STPG2: variants seen among roughly 807,000 people sequenced by gnomAD.
STPG2 encodes the protein sperm-tail PG-rich repeat-containing protein 2.
Under a neutral mutation model 54.2 loss-of-function variants are expected in STPG2, and 56 were observed. That is an observed-to-expected ratio of 1.03 (90% CI 0.83 to 1.29). STPG2 has a LOEUF of 1.29. STPG2 is among the 50% of genes most tolerant of loss of function. STPG2 has a pLI of 0.00. For synonymous variants in STPG2, 200 were observed against 181.8 expected (o/e 1.10, Z -0.81); for missense variants, 596 against 544.9 (o/e 1.09, Z -0.93).
At chr4:97,829,770 A>G (rs1478621627) in intron 9 of STPG2, among the ~76,000 whole-genome samples, 2 of 152,132 alleles carry the variant, frequency 1.3e-5, no homozygotes, top group Admixed American at 6.6e-5. Context: ...GAAGAAAGGA[A>G]TATCAGAGAT....
chr4:97,902,851 T>C (rs955001715), intron 8 of STPG2, among the ~76,000 whole-genome samples: 2 of 152,198 alleles, frequency 1.3e-5, no homozygotes, highest in African/African-American at 4.8e-5. Context: ...ACTTCCATTT[T>C]CATTGCAGCA....
intron 7 of STPG2, 28 bp downstream of exon 7, chr4:97,972,252 G>T (rs772708570): frequency 4.1e-5 from 59 of 1,450,596 alleles, no homozygotes; most frequent in Non-Finnish European, 5.4e-5. Context: ...TCAACATAAA[G>T]AATATTATTT....
At chr4:97,791,733 A>G (rs1199732389) in intron 9 of STPG2, among the ~76,000 whole-genome samples, 1 of 152,086 alleles carries the variant, frequency 6.6e-6, no homozygotes, top group African/African-American at 2.4e-5. Flanking sequence ...TAATCATATA[A>G]AAACTATTTT....
At chr4:97,812,247 A>G (rs1727762831) in intron 9 of STPG2, among the ~76,000 whole-genome samples, 1 of 152,046 alleles carries the variant, frequency 6.6e-6, no homozygotes, top group Non-Finnish European at 1.5e-5. Flanking sequence ...CTTACTTACA[A>G]TGGCCTAAGA....
At chr4:97,861,171 A>C (rs969158997) in intron 8 of STPG2, among the ~76,000 whole-genome samples, 2 of 152,196 alleles carry the variant, frequency 1.3e-5, no homozygotes, top group African/African-American at 4.8e-5. Context: ...TGATTTAAAA[A>C]TGGGCAAAAA....
intron 5 of STPG2, among the ~76,000 whole-genome samples, chr4:98,022,153 T>G (rs1187996492): frequency 6.6e-6 from 1 of 152,202 alleles, no homozygotes; most frequent in Non-Finnish European, 1.5e-5. Flanking sequence ...CAGTGGCTGG[T>G]ACTGGTTGTT....
intron 9 of STPG2, among the ~76,000 whole-genome samples, chr4:97,753,114 T>A (rs1215456714): frequency 1.3e-5 from 2 of 151,998 alleles, no homozygotes; most frequent in Non-Finnish European, 2.9e-5. Context: ...CATTTGTAAA[T>A]GCACAATTCA....
chr4:97,695,059 C>A (rs1270596997), intron 10 of STPG2, among the ~76,000 whole-genome samples: 2 of 148,208 alleles, frequency 1.3e-5, no homozygotes, highest in East Asian at 2.0e-4. Flanking sequence ...AGACCAATGT[C>A]CCTGATGAAA....
chr4:97,787,143 A>C lies in STPG2; in HGVS notation c.1204+53630T>G, dbSNP rs144965556. Among the ~76,000 whole-genome samples, 423 of 152,146 alleles carry C rather than the reference A, an allele frequency of 2.8e-3. 3 individuals carry two copies. The highest frequency in any genetic ancestry group is 9.3e-3 in the African/African-American group (387 of 41,506). On this transcript the variant is annotated intron_variant, in intron 9 of 10. Transcript: ENST00000295268. ...TCTCTTGAGATTTACTACATACAAA[A>C]TCGTATCATGTGCAAATAAAGACAG...
At chr4:97,729,693 C>A (rs1245268056) in intron 9 of STPG2, among the ~76,000 whole-genome samples, 1 of 152,160 alleles carries the variant, frequency 6.6e-6, no homozygotes, top group East Asian at 1.9e-4. Flanking sequence ...ACATCATAAA[C>A]CCTCCTAACA....
chr4:97,922,653 C>A (rs960731136), intron 8 of STPG2, among the ~76,000 whole-genome samples: 1 of 152,200 alleles, frequency 6.6e-6, no homozygotes, highest in East Asian at 1.9e-4. Flanking sequence ...TAGGAATCTG[C>A]AAACCATATT....
At chr4:97,448,740 C>A (rs974818093) in intron 4 of STPG2, among the ~76,000 whole-genome samples, 1 of 152,008 alleles carries the variant, frequency 6.6e-6, no homozygotes, top group Non-Finnish European at 1.5e-5. Flanking sequence ...ATACACTCAC[C>A]ATTTAGTAGA....
intron 3 of STPG2, among the ~76,000 whole-genome samples, chr4:98,125,805 C>G (rs1739812953): frequency 6.6e-6 from 1 of 152,156 alleles, no homozygotes. Context: ...TTGTGGCTGC[C>G]CCTCCCGCCA....
chr4:98,077,981 A>G (rs1738225798), intron 5 of STPG2, among the ~76,000 whole-genome samples: 1 of 152,198 alleles, frequency 6.6e-6, no homozygotes, highest in South Asian at 2.1e-4. Flanking sequence ...AGTTTCCCCA[A>G]AATAAAATAA....
At chr4:97,887,081 CT>C (rs1413439149) in intron 8 of STPG2, among the ~76,000 whole-genome samples, 1 of 152,168 alleles carries the variant, frequency 6.6e-6, no homozygotes, top group Non-Finnish European at 1.5e-5. Context: ...AATTAAGCCT[CT>C]TTTCTTTATA....
chr4:97,446,663 C>A (rs1181672597), intron 4 of STPG2, among the ~76,000 whole-genome samples: 2 of 152,098 alleles, frequency 1.3e-5, no homozygotes, highest in Non-Finnish European at 2.9e-5. Context: ...TGACTAAGTT[C>A]TCATGAGATC....
intron 9 of STPG2, among the ~76,000 whole-genome samples, chr4:97,764,155 GACAC>G (rs144290643): frequency 6.7e-6 from 1 of 148,388 alleles, no homozygotes; most frequent in African/African-American, 2.5e-5. Flanking sequence ...GGCACAGACA[GACAC>G]ACACACACAC....
intron 9 of STPG2, among the ~76,000 whole-genome samples, chr4:97,722,096 A>C (rs4361393): frequency 6.9e-6 from 1 of 144,820 alleles, no homozygotes; most frequent in Non-Finnish European, 1.5e-5. Flanking sequence ...CCAGGAGGGG[A>C]AAAAAAAAAA....
chr4:97,563,565 T>C (rs569178013), intron 10 of STPG2, among the ~76,000 whole-genome samples: 50 of 152,362 alleles, frequency 3.3e-4, no homozygotes, highest in African/African-American at 1.2e-3. Flanking sequence ...TGCTTTCTCT[T>C]GTGGGCATTT....
Sources: gnomAD v4.1 joint callset for allele counts (sites outside exome capture counted in the v4.1 genomes callset) on GRCh38, gnomAD v4.1.1 for gene constraint, MANE v1.5 for transcripts, NCBI Gene and HGNC (gene_info 2026-07-23, HGNC 2026-07-21) for gene names.